Variants in CTNNA2 observed in about 807,000 individuals in gnomAD.
CTNNA2 encodes catenin alpha 2.
A neutral mutation model predicts 101.0 loss-of-function variants in CTNNA2; 42 were observed. The ratio of observed to expected loss-of-function variants is 0.42; its 90% CI spans 0.32 to 0.54. The LOEUF (loss-of-function observed/expected upper bound fraction) is 0.54, where lower values mean the gene tolerates loss of function less well. Among genes scored for constraint, CTNNA2 ranks in the 20% least tolerant of loss-of-function variants. The pLI, the probability that CTNNA2 is intolerant of heterozygous loss-of-function variation, is 0.14. For missense variants in CTNNA2, 871 were observed against 1,223.1 expected (o/e 0.71, Z 4.29); for synonymous variants, 450 against 456.4 (o/e 0.99, Z 0.18).
At chr2:79,925,875 G>T (rs961993340) in intron 7 of CTNNA2, among the ~76,000 whole-genome samples, 10 of 89,370 alleles carry the variant, frequency 1.1e-4, no homozygotes, top group Middle Eastern at 6.3e-3. Context: ...ATACATCTAA[G>T]ACTTTTTTTT....
chr2:79,395,479 A>C (rs893244727), intron 4 of CTNNA2, among the ~76,000 whole-genome samples: 12 of 151,906 alleles, frequency 7.9e-5, no homozygotes, highest in Admixed American at 2.0e-4. Context: ...CCTATGAGTG[A>C]GAATATTTTC....
intron 14 of CTNNA2, among the ~76,000 whole-genome samples, chr2:80,582,624 G>C (rs1695636724): frequency 6.6e-6 from 1 of 152,084 alleles, no homozygotes; most frequent in Admixed American, 6.6e-5. Context: ...GAAATCTTTA[G>C]AGACTGCATA....
chr2:80,471,321 G>A (rs775514554), intron 9 of CTNNA2, among the ~76,000 whole-genome samples: 6 of 152,142 alleles, frequency 3.9e-5, no homozygotes, highest in South Asian at 4.1e-4. Flanking sequence ...ATAAGGTAGC[G>A]TTTGCTAAAT....
At chr2:79,791,907 A>T (rs1028794469) in intron 3 of CTNNA2, among the ~76,000 whole-genome samples, 3 of 152,224 alleles carry the variant, frequency 2.0e-5, no homozygotes. Flanking sequence ...CCTTAGGTAT[A>T]GTAAAGACAC....
chr2:79,833,601 G>T (rs577325323), intron 3 of CTNNA2, among the ~76,000 whole-genome samples: 23 of 152,168 alleles, frequency 1.5e-4, no homozygotes, highest in Admixed American at 1.2e-3. Flanking sequence ...AGTAAAACTC[G>T]ATTTCTTGCT....
chr2:79,916,103 G>A (rs1366346670), intron 7 of CTNNA2, among the ~76,000 whole-genome samples: 1 of 152,124 alleles, frequency 6.6e-6, no homozygotes, highest in African/African-American at 2.4e-5. Context: ...CTATTATTAT[G>A]TAGATGAGGG....
chr2:80,603,759 C>G (rs979138401), intron 15 of CTNNA2: 2 of 267,182 alleles, frequency 7.5e-6, no homozygotes, highest in Non-Finnish European at 1.4e-5. Context: ...TGTACAACAG[C>G]TTTTGGTACA....
At chr2:80,105,533 G>A (rs1295285996) in intron 7 of CTNNA2, among the ~76,000 whole-genome samples, 1 of 152,102 alleles carries the variant, frequency 6.6e-6, no homozygotes, top group African/African-American at 2.4e-5. Flanking sequence ...AGACCAGCCT[G>A]GGCAACATAG....
At chr2:80,600,117 A>G (rs2149764363) in intron 15 of CTNNA2, among the ~76,000 whole-genome samples, 1 of 152,222 alleles carries the variant, frequency 6.6e-6, no homozygotes, top group South Asian at 2.1e-4. Flanking sequence ...TCGGGAAAGG[A>G]TTAACTTTTC....
chr2:80,045,760 T>C (rs1278649065), intron 7 of CTNNA2, among the ~76,000 whole-genome samples: 1 of 152,096 alleles, frequency 6.6e-6, no homozygotes, highest in Non-Finnish European at 1.5e-5. Context: ...ACCATCAGGA[T>C]CGAGGGCTTA....
intron 9 of CTNNA2, among the ~76,000 whole-genome samples, chr2:80,467,529 G>A (rs1234622684): frequency 6.6e-6 from 1 of 152,042 alleles, no homozygotes; most frequent in African/African-American, 2.4e-5. Flanking sequence ...AATGATCTAG[G>A]GCACTCGTGA....
chr2:80,448,978 G>C (rs1316409656), intron 9 of CTNNA2, among the ~76,000 whole-genome samples: 1 of 152,152 alleles, frequency 6.6e-6, no homozygotes, highest in African/African-American at 2.4e-5. Context: ...TACCTGTAGA[G>C]CTGATGCTAG....
At chr2:80,017,909 G>T (rs1342633112) in intron 7 of CTNNA2, among the ~76,000 whole-genome samples, 1 of 150,830 alleles carries the variant, frequency 6.6e-6, no homozygotes, top group African/African-American at 2.4e-5. Flanking sequence ...TCAGAATTTA[G>T]AAAATGGATA....
intron 9 of CTNNA2, among the ~76,000 whole-genome samples, chr2:80,496,473 G>A (rs923367299): frequency 1.3e-5 from 2 of 148,314 alleles, no homozygotes; most frequent in East Asian, 2.0e-4. Context: ...TGAGAGGAAC[G>A]TGACTTGGAA....
At chr2:80,415,635 G>T (rs749650187) in intron 8 of CTNNA2, among the ~76,000 whole-genome samples, 5 of 152,056 alleles carry the variant, frequency 3.3e-5, no homozygotes, top group Non-Finnish European at 7.4e-5. Context: ...TACAATCATA[G>T]AAAACAGTAT....
intron 3 of CTNNA2, among the ~76,000 whole-genome samples, chr2:79,770,921 G>T (rs1279421657): frequency 6.6e-6 from 1 of 152,174 alleles, no homozygotes. Flanking sequence ...TTTAGATGAA[G>T]AAATTATTGC....
upstream of CTNNA2, among the ~76,000 whole-genome samples, chr2:79,512,796 C>A (rs899651223): frequency 2.0e-5 from 3 of 151,434 alleles, no homozygotes. Context: ...TTCGGGCGCT[C>A]CCCAGGCCGC....
At chr2:79,869,709 A>G in intron 4 of CTNNA2, 107 bp from the exon 5 acceptor site, 4 of 1,397,262 alleles carry the variant, frequency 2.9e-6, no homozygotes, top group Non-Finnish European at 3.8e-6. Context: ...TTACATGTTA[A>G]CACATACTAG....
intron 4 of CTNNA2, among the ~76,000 whole-genome samples, chr2:79,405,413 C>G (rs866185687): frequency 2.0e-5 from 3 of 152,056 alleles, no homozygotes; most frequent in Admixed American, 1.3e-4. Context: ...GCAATCTCCA[C>G]CTCCTGGGTT....
Sources: allele counts gnomAD v4.1 joint callset (sites outside exome capture counted in the v4.1 genomes callset), GRCh38; gene constraint gnomAD v4.1.1; transcripts MANE v1.5; gene names NCBI Gene and HGNC (gene_info 2026-07-23, HGNC 2026-07-21).